FOXP1: variants seen among roughly 807,000 people sequenced by gnomAD.
FOXP1 encodes forkhead box P1.
A neutral mutation model predicts 98.2 loss-of-function variants in FOXP1; 15 were observed. The observed-to-expected ratio is 0.15, with a 90% CI of 0.10 to 0.24. The LOEUF is 0.24. Ranked by LOEUF, FOXP1 falls within the 10% of genes least tolerant of loss-of-function variation. The pLI, the probability that FOXP1 is intolerant of heterozygous loss-of-function variation, is 1.00. For missense variants in FOXP1, 633 were observed against 848.5 expected, an observed-to-expected ratio of 0.75 and a Z score of 3.15; for synonymous variants, 371 against 314.5, an observed-to-expected ratio of 1.18 and a Z score of -1.90.
At chr3:71,445,733 G>T (rs2108476496) in intron 3 of FOXP1, among the ~76,000 whole-genome samples, 1 of 149,862 alleles carries the variant, frequency 6.7e-6, no homozygotes, top group African/African-American at 2.5e-5. Context: ...TGTTGCCCAG[G>T]CTGGAGTGCA....
At chr3:71,458,054 C>G (rs1015664540) in intron 3 of FOXP1, among the ~76,000 whole-genome samples, 2 of 152,162 alleles carry the variant, frequency 1.3e-5, no homozygotes, top group Non-Finnish European at 2.9e-5. Flanking sequence ...CACAACTGTT[C>G]CAGAAACCAG....
chr3:71,315,079 T>TAAAAAAAAAAA (rs11355298), intron 4 of FOXP1, among the ~76,000 whole-genome samples: 28 of 70,668 alleles, frequency 4.0e-4, no homozygotes, highest in African/African-American at 1.0e-3. Context: ...CTGGTCCATG[T>TAAAAAAAAAAA]AAAAAAAAAA....
At chr3:71,364,421 T>G (rs1447523710) in intron 3 of FOXP1, among the ~76,000 whole-genome samples, 3 of 152,200 alleles carry the variant, frequency 2.0e-5, no homozygotes, top group African/African-American at 7.2e-5. Flanking sequence ...GAAGTTTGAT[T>G]CCCACTTTAC....
chr3:71,002,866 C>G (rs966673923), intron 12 of FOXP1, among the ~76,000 whole-genome samples: 1 of 152,158 alleles, frequency 6.6e-6, no homozygotes, highest in Non-Finnish European at 1.5e-5. Flanking sequence ...GGATTCCATC[C>G]ACTCGATGAC....
chr3:71,348,564 C>T (rs181134416), intron 4 of FOXP1, among the ~76,000 whole-genome samples: 7 of 140,948 alleles, frequency 5.0e-5, no homozygotes, highest in Admixed American at 6.9e-5. Flanking sequence ...CGCGCGCGCA[C>T]GCATATGCAT....
At chr3:71,367,219 C>T (rs2078985110) in intron 3 of FOXP1, among the ~76,000 whole-genome samples, 1 of 152,210 alleles carries the variant, frequency 6.6e-6, no homozygotes. Flanking sequence ...GGCCACCACA[C>T]TGCCTTTGCG....
intron 10 of FOXP1, among the ~76,000 whole-genome samples, chr3:71,043,963 G>A (rs1308259870): frequency 1.3e-5 from 2 of 152,178 alleles, no homozygotes; most frequent in African/African-American, 4.8e-5. Flanking sequence ...AACTCATTAA[G>A]TGACAACAGC....
intron 3 of FOXP1, among the ~76,000 whole-genome samples, chr3:71,409,967 A>C (rs1300451341): frequency 6.6e-6 from 1 of 152,178 alleles, no homozygotes; most frequent in African/African-American, 2.4e-5. Context: ...GTGAGCTGTG[A>C]TCACACCACT....
Position 70,959,268 on chromosome 3 carries a change from T to C in FOXP1, c.2013A>G (p.Pro671=). 6.2e-7 allele frequency: 1 copy of C among 1,614,072 alleles called. No homozygotes were observed. The highest frequency in any genetic ancestry group is 8.5e-7 in the Non-Finnish European group (1 of 1,180,016). The part of the protein sequence containing the change: ...FDHDRDYEDE[P]VNEDME ...ATAGTCACTCCATGTCCTCGTTTAC[T>C]GGTTCATCTTCGTAATCTCTGTCAT... Residue 671 remains proline, a synonymous_variant, in exon 21 of 21, where the codon CCA becomes CCG. Coordinates refer to ENST00000649528, the MANE Select transcript of FOXP1 (RefSeq NM_001349338.3).
chr3:71,135,007 C>G (rs552242873), intron 6 of FOXP1, among the ~76,000 whole-genome samples: 74 of 152,174 alleles, frequency 4.9e-4, no homozygotes, highest in African/African-American at 1.8e-3. Flanking sequence ...GCCTGTAATC[C>G]CAGCACTTTG....
intron 3 of FOXP1, among the ~76,000 whole-genome samples, chr3:71,397,030 A>ATG (rs1333119232): frequency 1.5e-4 from 15 of 100,486 alleles, no homozygotes; most frequent in African/African-American, 6.6e-4. Flanking sequence ...ATATACATAT[A>ATG]TATGTGTATA....
intron 2 of FOXP1, among the ~76,000 whole-genome samples, chr3:71,496,889 T>C (rs2091455204): frequency 6.6e-6 from 1 of 152,012 alleles, no homozygotes; most frequent in Non-Finnish European, 1.5e-5. Context: ...GCTGTCTTAT[T>C]TGACTTCTAA....
In FOXP1 at chr3:71,364,007, C is replaced by T. The variant is rs369940455; in HGVS notation, c.-167-4763G>A. Reference sequence around the variant, plus strand: ...AGACTACATGGAGCAGAGCCACCACCGCTCCAGTCCCCCTCAACCAGCACT... The same window carrying T: ...AGACTACATGGAGCAGAGCCACCACTGCTCCAGTCCCCCTCAACCAGCACT... On this transcript the variant is annotated intron_variant, in intron 3 of 20. Transcript: ENST00000649528. Among the ~76,000 whole-genome samples the T allele has an allele frequency of 9.9e-5, 15 of 152,276 alleles. No individual in the cohort carries two copies. The South Asian group carries it at 2.3e-3, about 23-fold the overall frequency.
chr3:71,517,485 A>G (rs1180167061), intron 2 of FOXP1, among the ~76,000 whole-genome samples: 1 of 152,236 alleles, frequency 6.6e-6, no homozygotes, highest in Non-Finnish European at 1.5e-5. Flanking sequence ...GGAAATGTCT[A>G]TTATAATAAT....
chr3:71,012,742 C>CAGTTT lies in FOXP1; in HGVS notation c.974+2806_974+2807insAAACT, dbSNP rs1329050052. 6.0e-3 allele frequency among the ~76,000 whole-genome samples: 910 copies of CAGTTT among 152,218 alleles called. 7 individuals carry two copies. Among genetic ancestry groups the CAGTTT allele is most frequent in the African/African-American group, 0.019 (787 of 41,548 alleles). ...CTAACAATATAAAGACCACACAAAA[C>CAGTTT]TGGAGACCTGCACATAAATCAGCTC... is the stretch of plus-strand genomic sequence containing the variant. On this transcript the variant is annotated intron_variant, in intron 12 of 20. Transcript: ENST00000649528.
chr3:71,262,064 A>G (rs567361260), intron 5 of FOXP1, among the ~76,000 whole-genome samples: 1 of 151,832 alleles, frequency 6.6e-6, no homozygotes, highest in African/African-American at 2.4e-5. Context: ...TCAGGAGTTC[A>G]AGACCAGCCT....
At chr3:71,440,682 CA>C (rs2085850511) in intron 3 of FOXP1, among the ~76,000 whole-genome samples, 1 of 144,166 alleles carries the variant, frequency 6.9e-6, no homozygotes, top group Non-Finnish European at 1.5e-5. Flanking sequence ...GGTGACAGAG[CA>C]AGACTCTGTC....
intron 12 of FOXP1, among the ~76,000 whole-genome samples, chr3:71,010,139 T>C (rs775859150): frequency 2.0e-5 from 3 of 152,002 alleles, no homozygotes; most frequent in Non-Finnish European, 4.4e-5. Context: ...TCAGATGACA[T>C]GTGGCTAGTT....
At chr3:71,316,608 A>T (rs2075089145) in intron 4 of FOXP1, among the ~76,000 whole-genome samples, 2 of 151,634 alleles carry the variant, frequency 1.3e-5, no homozygotes, top group African/African-American at 4.8e-5. Flanking sequence ...GGGCACCCGG[A>T]TGTAGGCCTG....
Sources: gnomAD v4.1 joint callset for allele counts (sites outside exome capture counted in the v4.1 genomes callset) on GRCh38, gnomAD v4.1.1 for gene constraint, MANE v1.5 for transcripts, NCBI Gene and HGNC (gene_info 2026-07-23, HGNC 2026-07-21) for gene names.